Variants in RPS6KC1 observed in about 807,000 individuals in gnomAD.
The protein encoded by RPS6KC1 is ribosomal protein S6 kinase C1, also known as inactive ribosomal protein S6 kinase delta-1.
Under a neutral mutation model 103.8 loss-of-function variants are expected in RPS6KC1, and 54 were observed. That is an observed-to-expected ratio of 0.52 (90% CI 0.42 to 0.65). The LOEUF (loss-of-function observed/expected upper bound fraction) is 0.65, where lower values mean the gene tolerates loss of function less well. RPS6KC1 is among the 30% of genes least tolerant of loss of function. The pLI is 0.00. For synonymous variants in RPS6KC1, 439 were observed against 438.7 expected (o/e 1.00, Z -0.01); for missense variants, 1,151 against 1,253.8 (o/e 0.92, Z 1.24).
the RPS6KC1 span, among the ~76,000 whole-genome samples, chr1:213,680,898 AG>A: frequency 6.6e-6 from 1 of 152,184 alleles, no homozygotes; most frequent in Admixed American, 6.5e-5. Context: ...TCAGCCAGGG[AG>A]GATGGCAGAG....
chr1:213,339,385 G>C, the RPS6KC1 span, among the ~76,000 whole-genome samples: 1 of 152,230 alleles, frequency 6.6e-6, no homozygotes, highest in African/African-American at 2.4e-5. Context: ...TGCTCGTTAA[G>C]AACAATTGAC....
At chr1:213,432,788 T>C in the RPS6KC1 span, among the ~76,000 whole-genome samples, 1 of 152,116 alleles carries the variant, frequency 6.6e-6, no homozygotes, top group Non-Finnish European at 1.5e-5. Context: ...GCATAATTAT[T>C]TCAGAAACTT....
chr1:213,405,950 CA>C, the RPS6KC1 span, among the ~76,000 whole-genome samples: 2 of 152,182 alleles, frequency 1.3e-5, no homozygotes, highest in Non-Finnish European at 2.9e-5. Flanking sequence ...AGGGAGGAGT[CA>C]AGGGTCACTC....
At chr1:213,302,708 A>G in the RPS6KC1 span, among the ~76,000 whole-genome samples, 7 of 152,276 alleles carry the variant, frequency 4.6e-5, no homozygotes, top group African/African-American at 1.4e-4. Flanking sequence ...GGCAACCCCT[A>G]TCTGTCCTAG....
chr1:213,775,433 A>G, the RPS6KC1 span, among the ~76,000 whole-genome samples: 1 of 152,198 alleles, frequency 6.6e-6, no homozygotes, highest in Non-Finnish European at 1.5e-5. Flanking sequence ...CATCACAATA[A>G]AGCCAATATT....
intron 1 of RPS6KC1, among the ~76,000 whole-genome samples, chr1:213,054,313 C>T (rs911929571): frequency 6.6e-6 from 1 of 152,024 alleles, no homozygotes; most frequent in Non-Finnish European, 1.5e-5. Flanking sequence ...TTTTTCTTCC[C>T]GTAAATATTT....
chr1:213,404,130 G>A, the RPS6KC1 span, among the ~76,000 whole-genome samples: 13 of 152,208 alleles, frequency 8.5e-5, no homozygotes, highest in Admixed American at 2.6e-4. Context: ...GCTCCTGTGC[G>A]TAGATAACAC....
chr1:213,717,372 A>G, the RPS6KC1 span, among the ~76,000 whole-genome samples: 217 of 152,368 alleles, frequency 1.4e-3, 1 homozygote, highest in Middle Eastern at 6.8e-3. Context: ...GGATAAATAA[A>G]AGTTGACAAG....
the RPS6KC1 span, among the ~76,000 whole-genome samples, chr1:213,483,256 T>C: frequency 6.6e-6 from 1 of 152,108 alleles, no homozygotes; most frequent in Admixed American, 6.5e-5. Context: ...ACCACCCCCA[T>C]GATTCAATTA....
intron 5 of RPS6KC1, among the ~76,000 whole-genome samples, chr1:213,123,618 A>G (rs2084644752): frequency 6.6e-6 from 1 of 152,156 alleles, no homozygotes; most frequent in Non-Finnish European, 1.5e-5. Context: ...TTAGGTATTC[A>G]CTTAAAATCA....
the RPS6KC1 span, among the ~76,000 whole-genome samples, chr1:213,848,959 A>G: frequency 6.6e-6 from 1 of 152,154 alleles, no homozygotes. Context: ...AGGAGGAGAC[A>G]AAATCAAAGA....
chr1:213,804,884 A>G, the RPS6KC1 span, among the ~76,000 whole-genome samples: 2 of 152,328 alleles, frequency 1.3e-5, no homozygotes, highest in Admixed American at 6.5e-5. Flanking sequence ...TTTATTTTAC[A>G]TATGCAGGCA....
At chr1:213,384,745 A>G in the RPS6KC1 span, among the ~76,000 whole-genome samples, 7,030 of 152,270 alleles carry the variant, frequency 0.046, 223 homozygotes, top group African/African-American at 0.072. Flanking sequence ...GAGAGCTGAC[A>G]TTCACTTCTC....
At chr1:213,094,302 C>T (rs1382693800) in intron 3 of RPS6KC1, among the ~76,000 whole-genome samples, 2 of 152,018 alleles carry the variant, frequency 1.3e-5, no homozygotes, top group African/African-American at 4.8e-5. Context: ...CATATTGCAC[C>T]TATGAAATTT....
chr1:213,165,086 C>CT (rs1022264648), intron 6 of RPS6KC1, among the ~76,000 whole-genome samples: 147 of 146,658 alleles, frequency 1.0e-3, no homozygotes, highest in African/African-American at 1.8e-3. Context: ...ATAGAGTCAT[C>CT]TTTTTTTTTT....
At chr1:213,554,259 C>T in the RPS6KC1 span, among the ~76,000 whole-genome samples, 3 of 152,178 alleles carry the variant, frequency 2.0e-5, no homozygotes, top group Non-Finnish European at 4.4e-5. Flanking sequence ...CCAGCTCTCC[C>T]AGCACCATTT....
At chr1:213,081,587 AC>A (rs1313847090) in intron 3 of RPS6KC1, among the ~76,000 whole-genome samples, 1 of 151,996 alleles carries the variant, frequency 6.6e-6, no homozygotes, top group African/African-American at 2.4e-5. Context: ...GTGACCAATA[AC>A]AAAAGTGATG....
intron 10 of RPS6KC1, among the ~76,000 whole-genome samples, chr1:213,238,015 G>A (rs978542505): frequency 2.0e-5 from 3 of 151,928 alleles, no homozygotes; most frequent in African/African-American, 7.2e-5. Flanking sequence ...TTGTACAGAT[G>A]TTATCTTTTT....
chr1:213,518,720 C>G, the RPS6KC1 span, among the ~76,000 whole-genome samples: 1 of 152,172 alleles, frequency 6.6e-6, no homozygotes, highest in Admixed American at 6.5e-5. Context: ...CTGGACCACA[C>G]TCATCAGCTG....
Sources: gnomAD v4.1 joint callset for allele counts (sites outside exome capture counted in the v4.1 genomes callset) on GRCh38, gnomAD v4.1.1 for gene constraint, MANE v1.5 for transcripts, NCBI Gene and HGNC (gene_info 2026-07-23, HGNC 2026-07-21) for gene names.